Variants in TARS3 observed in about 807,000 individuals in gnomAD.
TARS3 encodes threonyl-tRNA synthetase 3, also known as threonine--tRNA ligase 2, cytoplasmic.
TARS3 carries 94 observed loss-of-function variants against 103.5 expected under a neutral mutation model. The observed-to-expected ratio is 0.91, with a 90% CI of 0.77 to 1.08. The LOEUF is 1.08. TARS3 is among the 50% of genes least tolerant of loss of function. The pLI, the probability that TARS3 is intolerant of heterozygous loss-of-function variation, is 0.00. For synonymous variants in TARS3, 416 were observed against 355.4 expected (o/e 1.17, Z -1.92); for missense variants, 952 against 995.2 (o/e 0.96, Z 0.58).
At chr15:101,680,649 G>C (rs1188816751) in intron 12 of TARS3, among the ~76,000 whole-genome samples, 1 of 152,084 alleles carries the variant, frequency 6.6e-6, no homozygotes, top group Non-Finnish European at 1.5e-5. Context: ...GTTTAACTGG[G>C]TTGTCTGTTT....
chr15:101,722,813 C>T (rs377531709), intron 2 of TARS3, among the ~76,000 whole-genome samples: 1 of 151,478 alleles, frequency 6.6e-6, no homozygotes, highest in Non-Finnish European at 1.5e-5. Context: ...AGCAAACCTC[C>T]GCCTTCAAAA....
At chr15:101,657,392 G>T (rs191127839) in intron 17 of TARS3, among the ~76,000 whole-genome samples, 1 of 152,234 alleles carries the variant, frequency 6.6e-6, no homozygotes, top group East Asian at 1.9e-4. Context: ...GCAGCCCCAG[G>T]AGACGCTCTG....
intron 12 of TARS3, among the ~76,000 whole-genome samples, chr15:101,683,777 G>A (rs1013198514): frequency 1.3e-5 from 2 of 152,142 alleles, no homozygotes; most frequent in Non-Finnish European, 2.9e-5. Context: ...ACTTGAAAAA[G>A]TAAATTTTAA....
intron 10 of TARS3, among the ~76,000 whole-genome samples, chr15:101,700,770 T>C (rs899578718): frequency 2.0e-5 from 3 of 152,004 alleles, no homozygotes; most frequent in African/African-American, 7.3e-5. Context: ...GCCTCCCAAG[T>C]AGCTGGGATT....
At chr15:101,691,009 G>A (rs1898692868) in intron 10 of TARS3, among the ~76,000 whole-genome samples, 1 of 152,050 alleles carries the variant, frequency 6.6e-6, no homozygotes, top group Admixed American at 6.6e-5. Flanking sequence ...CGTGATCTCA[G>A]CTCACTGCAA....
chr15:101,706,873 A>C (rs917952454), intron 6 of TARS3, among the ~76,000 whole-genome samples: 1 of 152,240 alleles, frequency 6.6e-6, no homozygotes, highest in African/African-American at 2.4e-5. Context: ...TTTAGTTCTT[A>C]AAAGTAGCTG....
chr15:101,724,106 C>T lies in TARS3; in HGVS notation c.282G>A (p.Gln94=). 1 of 1,378,536 alleles carries T rather than the reference C, an allele frequency of 7.3e-7. No homozygotes were observed. The highest frequency in any genetic ancestry group is 9.4e-7 in the Non-Finnish European group (1 of 1,067,024). The allele number at this position is 1,378,536 out of a possible 1,614,324, so 85.4% of individuals were successfully genotyped here. A position where few individuals can be genotyped will look rare whatever the true frequency, so the allele number is the denominator to read the frequency against. The part of the protein sequence containing the change: ...TLESAELEAA[Q]EAGAQPPPSQ... ...GCCCGGTTACCTGTGCGCCGGCCTC[C>T]TGCGCCGCCTCTAGCTCCGCGCTCT... Residue 94 remains glutamine, a synonymous_variant, in exon 1 of 19, where the codon CAG becomes CAA. Transcript: ENST00000335968.
intron 12 of TARS3, among the ~76,000 whole-genome samples, chr15:101,680,046 G>C (rs1343612529): frequency 6.6e-6 from 1 of 152,168 alleles, no homozygotes; most frequent in Non-Finnish European, 1.5e-5. Flanking sequence ...CCAGGGGAGG[G>C]CAAAAGTCCA....
intron 7 of TARS3, among the ~76,000 whole-genome samples, chr15:101,704,595 C>T (rs1368008281): frequency 4.7e-5 from 7 of 149,138 alleles, no homozygotes; most frequent in African/African-American, 1.2e-4. Context: ...GCAGAGGTTG[C>T]GGTGAACCGA....
At chr15:101,663,556 T>G (rs1897465236) in intron 15 of TARS3, among the ~76,000 whole-genome samples, 1 of 152,254 alleles carries the variant, frequency 6.6e-6, no homozygotes, top group African/African-American at 2.4e-5. Context: ...TATTTATATT[T>G]ATTAAGTTTA....
intron 8 of TARS3, 55 bp downstream of exon 8, chr15:101,703,804 C>T (rs2141432631): frequency 2.8e-6 from 3 of 1,057,402 alleles, no homozygotes; most frequent in Non-Finnish European, 2.9e-6. Context: ...GATTAAAATC[C>T]TTTAATAGCT....
chr15:101,694,524 A>G (rs1297932674), intron 10 of TARS3, among the ~76,000 whole-genome samples: 2 of 152,194 alleles, frequency 1.3e-5, no homozygotes, highest in African/African-American at 2.4e-5. Flanking sequence ...CACACCCTCT[A>G]CTGGCTGGTG....
At chr15:101,708,738 T>C (rs1899704178) in intron 6 of TARS3, 55 bp downstream of exon 6, 1 of 1,160,624 alleles carries the variant, frequency 8.6e-7, no homozygotes, top group South Asian at 1.2e-5. Context: ...GGGAAGCTAG[T>C]CTATATTGAT....
At position 101,654,357 on chromosome 15, in the gene TARS3, T is replaced by C; in HGVS notation, c.*225A>G. 2.3e-6 allele frequency: 1 copy of C among 441,360 alleles called. No homozygotes were observed. Among genetic ancestry groups the C allele is most frequent in the Non-Finnish European group, 3.9e-6 (1 of 254,310 alleles). 27.3% of individuals were successfully genotyped at this position (441,360 alleles called of 1,614,324 possible). On this transcript the variant is annotated 3_prime_UTR_variant, in exon 19 of 19. Transcript: ENST00000335968. ...TTCCCCATTTAAGTTTCTCAAGGCA[T>C]TGATTGCTGGAAAATTTCCCACGTG...
At chr15:101,669,145 C>T (rs754327393) in intron 15 of TARS3, among the ~76,000 whole-genome samples, 70 of 152,242 alleles carry the variant, frequency 4.6e-4, no homozygotes, top group Non-Finnish European at 8.5e-4. Flanking sequence ...ACAGTGATAT[C>T]GATAACCTTG....
chr15:101,655,456 C>T (rs1250471894), intron 18 of TARS3, among the ~76,000 whole-genome samples: 1 of 140,854 alleles, frequency 7.1e-6, no homozygotes, highest in African/African-American at 2.7e-5. Flanking sequence ...ACAGTGACTC[C>T]ACCTGGCACT....
At chr15:101,700,193 T>C (rs978380098) in intron 10 of TARS3, among the ~76,000 whole-genome samples, 1 of 152,188 alleles carries the variant, frequency 6.6e-6, no homozygotes, top group East Asian at 1.9e-4. Context: ...GACAAAACAG[T>C]GCAAGCATGG....
At chr15:101,682,555 A>C (rs1898297941) in intron 12 of TARS3, among the ~76,000 whole-genome samples, 1 of 152,090 alleles carries the variant, frequency 6.6e-6, no homozygotes, top group South Asian at 2.1e-4. Flanking sequence ...AATGTTGTTT[A>C]AATTTTTTGA....
chr15:101,679,801 T>C (rs1187392400), intron 12 of TARS3, among the ~76,000 whole-genome samples: 2 of 152,228 alleles, frequency 1.3e-5, no homozygotes, highest in Non-Finnish European at 2.9e-5. Flanking sequence ...AGGACAGTAC[T>C]GGACAGTTAC....
Sources: allele counts gnomAD v4.1 joint callset (sites outside exome capture counted in the v4.1 genomes callset), GRCh38; gene constraint gnomAD v4.1.1; transcripts MANE v1.5; gene names NCBI Gene and HGNC (gene_info 2026-07-23, HGNC 2026-07-21).